Variants in PRORP observed in about 807,000 individuals in gnomAD.
PRORP encodes mitochondrial ribonuclease P catalytic subunit.
In PRORP, 51 loss-of-function variants were observed where a neutral mutation model predicts 59.4. The observed-to-expected ratio is 0.86, with a 90% CI of 0.69 to 1.08. The LOEUF (loss-of-function observed/expected upper bound fraction) is 1.08, where lower values mean the gene tolerates loss of function less well. Ranked by LOEUF, PRORP falls within the 50% of genes least tolerant of loss-of-function variation. The pLI is 0.00. For synonymous variants in PRORP, 231 were observed against 245.6 expected (o/e 0.94, Z 0.55); for missense variants, 646 against 690.3 (o/e 0.94, Z 0.72).
chr14:35,191,303 C>T (rs969033500), intron 5 of PRORP, among the ~76,000 whole-genome samples: 7 of 152,166 alleles, frequency 4.6e-5, no homozygotes, highest in South Asian at 4.1e-4. Context: ...CCATGTAAGA[C>T]GTGCCTTTTA....
chr14:35,202,290 A>T (rs2049176440), intron 5 of PRORP, among the ~76,000 whole-genome samples: 2 of 152,054 alleles, frequency 1.3e-5, no homozygotes, highest in African/African-American at 2.4e-5. Context: ...AAAAAACATG[A>T]TAATTAGGTA....
intron 5 of PRORP, among the ~76,000 whole-genome samples, chr14:35,201,676 C>CT (rs766095636): frequency 5.9e-5 from 9 of 151,874 alleles, no homozygotes; most frequent in Non-Finnish European, 1.2e-4. Flanking sequence ...GAGTCTCACT[C>CT]TTATCACCCA....
Position 35,202,311 on chromosome 14 carries a change from A to G in PRORP, c.1275+21534A>G, listed in dbSNP as rs531397717. On this transcript the variant is annotated intron_variant, in intron 5 of 7. Coordinates refer to ENST00000534898, the MANE Select transcript of PRORP (RefSeq NM_014672.4). The stretch of plus-strand genomic sequence containing the variant: ...CATGATAATTAGGTAGGTTCTTCCA[A>G]TCATCTTTGAAAGAAAAATGCTGTT... 2.4e-3 allele frequency among the ~76,000 whole-genome samples: 358 copies of G among 152,206 alleles called. 5 individuals carry two copies. Among genetic ancestry groups the G allele is most frequent in the Non-Finnish European group, 9.7e-4 (66 of 68,006 alleles).
chr14:35,220,017 T>C (rs933647143), intron 5 of PRORP, among the ~76,000 whole-genome samples: 25 of 152,220 alleles, frequency 1.6e-4, no homozygotes, highest in Non-Finnish European at 2.9e-4. Context: ...CAAAAGGTCA[T>C]TGGATTTAAT....
chr14:35,266,071 A>G (rs2051030817), intron 5 of PRORP, among the ~76,000 whole-genome samples: 1 of 151,494 alleles, frequency 6.6e-6, no homozygotes. Context: ...TAATCCCAGC[A>G]CTTTGGGAGG....
intron 4 of PRORP, among the ~76,000 whole-genome samples, chr14:35,131,858 A>G (rs2047248388): frequency 7.3e-6 from 1 of 136,636 alleles, no homozygotes; most frequent in Admixed American, 7.6e-5. Flanking sequence ...TCTTTTTTTG[A>G]GAAGAAATCT....
At chr14:35,246,993 A>C (rs1403344701) in intron 5 of PRORP, among the ~76,000 whole-genome samples, 2 of 152,182 alleles carry the variant, frequency 1.3e-5, no homozygotes, top group Non-Finnish European at 2.9e-5. Flanking sequence ...GTCTACATAC[A>C]TTATCTAAAG....
chr14:35,151,639 T>TAC (rs55940352), intron 4 of PRORP, among the ~76,000 whole-genome samples: 21,746 of 141,658 alleles, frequency 0.15, 1,586 homozygotes, highest in African/African-American at 0.17. Flanking sequence ...CACACACACA[T>TAC]ACACACACAC....
intron 5 of PRORP, among the ~76,000 whole-genome samples, chr14:35,254,820 C>G (rs78890990): frequency 0.061 from 9,273 of 152,228 alleles, 367 homozygotes; most frequent in Middle Eastern, 0.11. Context: ...TGGCACGTCC[C>G]ATGTCATCCT....
At chr14:35,157,685 G>C (rs972108606) in intron 4 of PRORP, among the ~76,000 whole-genome samples, 2 of 152,052 alleles carry the variant, frequency 1.3e-5, no homozygotes, top group African/African-American at 4.8e-5. Context: ...CACGGTGCCT[G>C]GCCTGTTACT....
intron 5 of PRORP, among the ~76,000 whole-genome samples, chr14:35,189,287 A>G (rs1212432491): frequency 6.6e-6 from 1 of 152,092 alleles, no homozygotes; most frequent in Non-Finnish European, 1.5e-5. Context: ...TGTCCAGGCT[A>G]GTCTCAAACC....
intron 5 of PRORP, among the ~76,000 whole-genome samples, chr14:35,228,671 T>C (rs895531550): frequency 6.6e-6 from 1 of 152,252 alleles, no homozygotes; most frequent in African/African-American, 2.4e-5. Flanking sequence ...TATTCCATGG[T>C]GCATATGTAC....
intron 5 of PRORP, among the ~76,000 whole-genome samples, chr14:35,221,055 C>T (rs1425319804): frequency 6.6e-6 from 1 of 152,134 alleles, no homozygotes; most frequent in Non-Finnish European, 1.5e-5. Flanking sequence ...GTACAAATGC[C>T]CACAAGTTGT....
chr14:35,198,190 A>C (rs2049054843), intron 5 of PRORP, among the ~76,000 whole-genome samples: 1 of 152,238 alleles, frequency 6.6e-6, no homozygotes, highest in Non-Finnish European at 1.5e-5. Flanking sequence ...ATTCATTTAT[A>C]GGCTTCACAT....
chr14:35,218,467 GAA>G (rs1209553911), intron 5 of PRORP, among the ~76,000 whole-genome samples: 3 of 100,168 alleles, frequency 3.0e-5, no homozygotes, highest in Non-Finnish European at 5.3e-5. Context: ...TCTAAAAAAA[GAA>G]AAAAAAAAAA....
At chr14:35,246,750 G>A (rs2050495644) in intron 5 of PRORP, among the ~76,000 whole-genome samples, 1 of 152,176 alleles carries the variant, frequency 6.6e-6, no homozygotes, top group African/African-American at 2.4e-5. Flanking sequence ...CTCCTACCAA[G>A]TGTTGACAGA....
chr14:35,129,386 T>C (rs2047178679), intron 4 of PRORP, among the ~76,000 whole-genome samples: 1 of 152,160 alleles, frequency 6.6e-6, no homozygotes, highest in Non-Finnish European at 1.5e-5. Context: ...GTCTTATTTT[T>C]TCCTTCCTTT....
intron 5 of PRORP, among the ~76,000 whole-genome samples, chr14:35,255,909 A>C (rs1363147630): frequency 1.3e-5 from 2 of 152,210 alleles, no homozygotes; most frequent in Admixed American, 1.3e-4. Context: ...TATTCAAAAA[A>C]CAATTGTGAC....
At chr14:35,145,725 G>A (rs2047588885) in intron 4 of PRORP, among the ~76,000 whole-genome samples, 3 of 111,666 alleles carry the variant, frequency 2.7e-5, no homozygotes, top group Non-Finnish European at 6.4e-5. Flanking sequence ...TCTCAAAAAA[G>A]AAAGAAAGAA....
Sources: gnomAD v4.1 joint callset for allele counts (sites outside exome capture counted in the v4.1 genomes callset) on GRCh38, gnomAD v4.1.1 for gene constraint, MANE v1.5 for transcripts, NCBI Gene and HGNC (gene_info 2026-07-23, HGNC 2026-07-21) for gene names.